Variants in TRIM2 observed in about 807,000 individuals in gnomAD.
TRIM2 encodes tripartite motif-containing protein 2.
A neutral mutation model predicts 75.2 loss-of-function variants in TRIM2; 20 were observed. That is an observed-to-expected ratio of 0.27 (90% CI 0.19 to 0.39). The LOEUF (loss-of-function observed/expected upper bound fraction) is 0.39, where lower values mean the gene tolerates loss of function less well. TRIM2 is among the 10% of genes least tolerant of loss of function. TRIM2 has a pLI of 1.00. For synonymous variants in TRIM2, 373 were observed against 388.3 expected, an observed-to-expected ratio of 0.96 and a Z score of 0.46; for missense variants, 660 against 990.8, an observed-to-expected ratio of 0.67 and a Z score of 4.48.
At chr4:153,315,618 A>T in intron 7 of TRIM2, 30 bp downstream of exon 7, 10 of 1,525,554 alleles carry the variant, frequency 6.6e-6, no homozygotes, top group Non-Finnish European at 8.9e-6. Flanking sequence ...ACCTTTAACT[A>T]CTTATATTGA....
chr4:153,216,205 C>G (rs77160172), intron 1 of TRIM2, among the ~76,000 whole-genome samples: 1 of 152,016 alleles, frequency 6.6e-6, no homozygotes, highest in African/African-American at 2.4e-5. Context: ...AGTAAGCATC[C>G]CTGGAGACTA....
At chr4:153,252,321 G>A (rs535794316) in intron 1 of TRIM2, among the ~76,000 whole-genome samples, 1 of 152,146 alleles carries the variant, frequency 6.6e-6, no homozygotes, top group South Asian at 2.1e-4. Context: ...CACATCCTGG[G>A]GCAGGTGACA....
In TRIM2 at chr4:153,315,461, T is replaced by G. The variant is rs374148737; in HGVS notation, c.1511-24T>G. ...AATCTAACCCTTTAGTGCTTAATTT[T>G]TATGATTTTATCATTTATTTTAGGT... On this transcript the variant is annotated intron_variant, in intron 6 of 11. Coordinates refer to ENST00000338700, the MANE Select transcript of TRIM2 (RefSeq NM_015271.5). The G allele has an allele frequency of 3.8e-6, 6 of 1,572,018 alleles. No individual in the cohort carries two copies. The African/African-American group carries it at 5.5e-5, about 14-fold the overall frequency.
chr4:153,243,211 C>G (rs565336978), intron 1 of TRIM2, among the ~76,000 whole-genome samples: 194 of 152,342 alleles, frequency 1.3e-3, no homozygotes, highest in African/African-American at 4.6e-3. Flanking sequence ...CCCCAAGCTT[C>G]CTATCAGTAC....
intron 1 of TRIM2, among the ~76,000 whole-genome samples, chr4:153,175,050 C>T (rs1731277726): frequency 6.6e-6 from 1 of 151,612 alleles, no homozygotes; most frequent in Admixed American, 6.6e-5. Flanking sequence ...GCTCCTATTG[C>T]CCAGGTTAAG....
Position 153,336,569 on chromosome 4 carries a change from T to C in TRIM2, c.*1603T>C. 1 of 985,840 alleles carries C rather than the reference T, an allele frequency of 1.0e-6. No individual in the cohort carries two copies. Among genetic ancestry groups the C allele is most frequent in the Non-Finnish European group, 1.2e-6 (1 of 829,926 alleles). The allele number at this position is 985,840 out of a possible 1,614,324, so 61.1% of individuals were successfully genotyped here. The stretch of plus-strand genomic sequence containing the variant: ...CAGTTCTACCAAATAGGATGTCATG[T>C]TTGACATTTTTGATAGTGACTTTGG... On this transcript the variant is annotated 3_prime_UTR_variant, in exon 12 of 12. Coordinates refer to ENST00000338700, the MANE Select transcript of TRIM2 (RefSeq NM_015271.5).
intron 1 of TRIM2, among the ~76,000 whole-genome samples, chr4:153,171,804 C>T (rs941893142): frequency 6.6e-6 from 1 of 150,412 alleles, no homozygotes; most frequent in East Asian, 1.9e-4. Flanking sequence ...TGTCCCTCCC[C>T]GCATCCCAGC....
chr4:153,253,679 G>A (rs189726577), intron 1 of TRIM2, among the ~76,000 whole-genome samples: 1 of 152,276 alleles, frequency 6.6e-6, no homozygotes, highest in East Asian at 1.9e-4. Flanking sequence ...ACAGGTTGTA[G>A]TAAAGGAGCC....
chr4:153,229,055 G>A (rs1005812343), intron 1 of TRIM2, among the ~76,000 whole-genome samples: 6 of 152,142 alleles, frequency 3.9e-5, no homozygotes, highest in Admixed American at 3.3e-4. Context: ...TGTGCAAAGT[G>A]CTGGTTTTTC....
At chr4:153,301,853 G>A (rs1025995436) in intron 6 of TRIM2, among the ~76,000 whole-genome samples, 6 of 152,128 alleles carry the variant, frequency 3.9e-5, no homozygotes. Flanking sequence ...ATGTTTTTAA[G>A]CCAGTACCAT....
In TRIM2 at chr4:153,273,380, A is replaced by G. The variant is rs1257232784; in HGVS notation, c.216-2513A>G. Among the ~76,000 whole-genome samples, 67 of 132,282 alleles carry G rather than the reference A, an allele frequency of 5.1e-4. 1 individual carries two copies. The highest frequency in any genetic ancestry group is 5.4e-3 in the Middle Eastern group (1 of 186). The allele number at this position is 132,282 out of a possible 152,430, so 86.8% of individuals were successfully genotyped here. A position where few individuals can be genotyped will look rare whatever the true frequency, so the allele number is the denominator to read the frequency against. On this transcript the variant is annotated intron_variant, in intron 2 of 11. Coordinates refer to ENST00000338700, the MANE Select transcript of TRIM2 (RefSeq NM_015271.5). ...AAGCTCCACCTCCCGGGTTCACGCC[A>G]TTCTCCTGCCTCAGCCTCCCGAGTA...
chr4:153,197,161 T>A (rs6843103), intron 1 of TRIM2, among the ~76,000 whole-genome samples: 8 of 152,164 alleles, frequency 5.3e-5, no homozygotes, highest in African/African-American at 1.9e-4. Flanking sequence ...CAAAGAAATA[T>A]GAAGAAATTA....
intron 10 of TRIM2, chr4:153,324,369 C>G (rs1769680054): frequency 2.9e-6 from 1 of 349,934 alleles, no homozygotes. Flanking sequence ...TAATTTGAAA[C>G]TGGTGCAAAT....
At chr4:153,215,024 C>T (rs180832529) in intron 1 of TRIM2, among the ~76,000 whole-genome samples, 1 of 152,328 alleles carries the variant, frequency 6.6e-6, no homozygotes, top group Admixed American at 6.5e-5. Context: ...GCATTCTTCA[C>T]CCACACTGGT....
chr4:153,152,598 G>C (rs1172739632), upstream of TRIM2: 3 of 151,834 alleles, frequency 2.0e-5, no homozygotes, highest in Non-Finnish European at 4.4e-5. Flanking sequence ...AACTGCCAAG[G>C]AGCCCCCTCA....
rs1157475541 is a variant in TRIM2 at position 153,248,333 on chromosome 4, C to T, written c.31-22002C>T. Among the ~76,000 whole-genome samples, 1 of 152,170 alleles carries T rather than the reference C, an allele frequency of 6.6e-6. No homozygotes were observed. Among genetic ancestry groups the T allele is most frequent in the Non-Finnish European group, 1.5e-5 (1 of 68,026 alleles). ...TTTACATAGACTAAACAAACCATTT[C>T]CTTCTCCTAACAACGCTATGTAGTC... On this transcript the variant is annotated intron_variant, in intron 1 of 11. Coordinates refer to ENST00000338700, the MANE Select transcript of TRIM2 (RefSeq NM_015271.5). The surrounding 1 kb of genome is among the most constrained non-coding windows in gnomAD (Gnocchi z 4.0).
intron 6 of TRIM2, among the ~76,000 whole-genome samples, chr4:153,298,895 A>G (rs1366980142): frequency 6.6e-6 from 1 of 151,724 alleles, no homozygotes; most frequent in Non-Finnish European, 1.5e-5. Context: ...CACCAAGCCC[A>G]GCTAATTTTT....
At position 153,336,876 on chromosome 4, in the gene TRIM2, C is replaced by T. The variant is rs1772514232; in HGVS notation, c.*1910C>T. 1.8e-5 allele frequency: 18 copies of T among 984,720 alleles called. No homozygotes were observed. The highest frequency in any genetic ancestry group is 9.4e-5 in the South Asian group (2 of 21,248). 61.0% of individuals were successfully genotyped at this position (984,720 alleles called of 1,614,324 possible). On this transcript the variant is annotated 3_prime_UTR_variant, in exon 12 of 12. Transcript: ENST00000338700. ...GTTTTAAAAAATACTTGAGCCTGTC[C>T]GTGATAAAGCTATAAAATTCAATAA...
intron 1 of TRIM2, among the ~76,000 whole-genome samples, chr4:153,230,225 G>T (rs1743260078): frequency 6.6e-6 from 1 of 152,086 alleles, no homozygotes; most frequent in Non-Finnish European, 1.5e-5. Context: ...CTGCTGCCCA[G>T]GCTGGAGTAC....
Sources: gnomAD v4.1 joint callset for allele counts (sites outside exome capture counted in the v4.1 genomes callset) on GRCh38, gnomAD v4.1.1 for gene constraint, Gnocchi (gnomAD v3.1) non-coding constraint, MANE v1.5 for transcripts, NCBI Gene and HGNC (gene_info 2026-07-23, HGNC 2026-07-21) for gene names.